The following RFTN2 variants were observed in gnomAD, a reference collection of about 807,000 sequenced individuals.
RFTN2 encodes the protein raftlin-2.
RFTN2 carries 34 observed loss-of-function variants against 52.7 expected under a neutral mutation model. That is an observed-to-expected ratio of 0.64 (90% confidence interval 0.49 to 0.86). The LOEUF is 0.86. Ranked by LOEUF, RFTN2 falls within the 40% of genes least tolerant of loss-of-function variation. RFTN2 has a pLI of 0.00. For missense variants in RFTN2, 536 were observed against 600.1 expected (o/e 0.89, Z 1.12); for synonymous variants, 203 against 217.7 (o/e 0.93, Z 0.59).
intron 8 of RFTN2, 56 bp from the exon 9 acceptor site, chr2:197,572,336 C>T: frequency 6.4e-7 from 1 of 1,558,436 alleles, no homozygotes; most frequent in East Asian, 2.3e-5. Context: ...GTTTCCTGTC[C>T]CTCTGGTCTA....
intron 6 of RFTN2, among the ~76,000 whole-genome samples, chr2:197,616,374 C>T (rs949445141): frequency 2.0e-4 from 30 of 150,876 alleles, no homozygotes; most frequent in Admixed American, 1.7e-3. Context: ...TCACTTTAAC[C>T]TCAATCTCCT....
At chr2:197,627,254 T>C (rs1004678848) in intron 5 of RFTN2, among the ~76,000 whole-genome samples, 1 of 152,158 alleles carries the variant, frequency 6.6e-6, no homozygotes, top group Non-Finnish European at 1.5e-5. Context: ...CCAGTCTCAG[T>C]GTGATTGCTG....
At chr2:197,625,195 A>C (rs1230057919) in intron 5 of RFTN2, among the ~76,000 whole-genome samples, 1 of 152,148 alleles carries the variant, frequency 6.6e-6, no homozygotes, top group African/African-American at 2.4e-5. Context: ...ACTCAATCTT[A>C]AAGTAATATT....
intron 7 of RFTN2, among the ~76,000 whole-genome samples, chr2:197,603,429 G>T (rs1052501548): frequency 6.6e-6 from 1 of 152,096 alleles, no homozygotes; most frequent in East Asian, 1.9e-4. Flanking sequence ...ACAAATAAAG[G>T]ACTCTTTATC....
chr2:197,632,895 T>A (rs1469773785), intron 4 of RFTN2, among the ~76,000 whole-genome samples: 3 of 152,116 alleles, frequency 2.0e-5, no homozygotes, highest in East Asian at 3.9e-4. Flanking sequence ...TAATATAGAG[T>A]TTATTCTGTA....
chr2:197,672,020 A>G (rs957221038), intron 1 of RFTN2, among the ~76,000 whole-genome samples: 2 of 152,224 alleles, frequency 1.3e-5, no homozygotes, highest in African/African-American at 4.8e-5. Flanking sequence ...ACACATATAA[A>G]TGGATATACT....
chr2:197,590,161 T>C (rs935397988), intron 8 of RFTN2, among the ~76,000 whole-genome samples: 2 of 152,076 alleles, frequency 1.3e-5, no homozygotes, highest in African/African-American at 4.8e-5. Flanking sequence ...TGCCTCAGGC[T>C]CCCAGAATGC....
At chr2:197,596,540 G>A (rs1237478102) in intron 7 of RFTN2, among the ~76,000 whole-genome samples, 2 of 152,108 alleles carry the variant, frequency 1.3e-5, no homozygotes, top group African/African-American at 4.8e-5. Context: ...ATACCAAAAT[G>A]TACTAAGCCT....
At chr2:197,673,299 C>A (rs550032599) in intron 1 of RFTN2, among the ~76,000 whole-genome samples, 18 of 152,238 alleles carry the variant, frequency 1.2e-4, no homozygotes, top group Non-Finnish European at 2.4e-4. Flanking sequence ...TGACCCACTC[C>A]TATATACACT....
intron 8 of RFTN2, among the ~76,000 whole-genome samples, chr2:197,590,400 A>G (rs2087684387): frequency 6.6e-6 from 1 of 152,214 alleles, no homozygotes; most frequent in African/African-American, 2.4e-5. Context: ...ACTGCAGAAG[A>G]TCTGTGAAAT....
chr2:197,593,826 T>TA (rs2087753916), intron 8 of RFTN2, among the ~76,000 whole-genome samples: 1 of 144,014 alleles, frequency 6.9e-6, no homozygotes, highest in African/African-American at 2.6e-5. Context: ...TAGGAGGGTG[T>TA]AGTGAGCAGA....
At chr2:197,639,106 T>A (rs1258255189) in intron 3 of RFTN2, among the ~76,000 whole-genome samples, 1 of 143,542 alleles carries the variant, frequency 7.0e-6, no homozygotes, top group Non-Finnish European at 1.5e-5. Context: ...TGCCGAGAGA[T>A]CCGCTGTTAG....
intron 7 of RFTN2, among the ~76,000 whole-genome samples, chr2:197,608,362 C>G (rs950972156): frequency 1.4e-5 from 2 of 147,554 alleles, no homozygotes; most frequent in Admixed American, 6.9e-5. Flanking sequence ...CCCAGGCTGG[C>G]GTGCAGTGGC....
At chr2:197,583,887 T>C (rs909327110) in intron 8 of RFTN2, among the ~76,000 whole-genome samples, 1 of 152,146 alleles carries the variant, frequency 6.6e-6, no homozygotes, top group Non-Finnish European at 1.5e-5. Context: ...GTTTGGTTTT[T>C]TGTCCCTGCG....
At chr2:197,664,679 G>T (rs1172148900) in intron 1 of RFTN2, among the ~76,000 whole-genome samples, 3 of 151,992 alleles carry the variant, frequency 2.0e-5, no homozygotes, top group African/African-American at 7.3e-5. Flanking sequence ...CGGCTACTTG[G>T]GAGGCTGAGG....
chr2:197,661,520 T>A (rs1283348834), intron 1 of RFTN2, among the ~76,000 whole-genome samples: 1 of 152,188 alleles, frequency 6.6e-6, no homozygotes, highest in Non-Finnish European at 1.5e-5. Flanking sequence ...TGTATCATCT[T>A]CTTTATCCAT....
chr2:197,609,300 T>C (rs1201343958), intron 7 of RFTN2, among the ~76,000 whole-genome samples: 2 of 152,218 alleles, frequency 1.3e-5, no homozygotes, highest in African/African-American at 4.8e-5. Context: ...ATCTGTTGTT[T>C]CTTGAATTTT....
intron 6 of RFTN2, among the ~76,000 whole-genome samples, chr2:197,617,368 A>G (rs1478066157): frequency 6.6e-6 from 1 of 152,248 alleles, no homozygotes; most frequent in Non-Finnish European, 1.5e-5. Context: ...CAAATCCGAA[A>G]GAAGTTTGTT....
At chr2:197,618,820 G>C (rs1486166493) in intron 5 of RFTN2, among the ~76,000 whole-genome samples, 5 of 150,274 alleles carry the variant, frequency 3.3e-5, no homozygotes, top group Non-Finnish European at 7.4e-5. Flanking sequence ...CAACCGCCCC[G>C]TCTGAGAAGT....
Sources: gnomAD v4.1 joint callset for allele counts (sites outside exome capture counted in the v4.1 genomes callset) on GRCh38, gnomAD v4.1.1 for gene constraint, MANE v1.5 for transcripts, NCBI Gene and HGNC (gene_info 2026-07-23, HGNC 2026-07-21) for gene names.